BMP1: variants seen among roughly 807,000 people sequenced by gnomAD.
BMP1 encodes the protein bone morphogenetic protein 1.
A neutral mutation model predicts 116.8 loss-of-function variants in BMP1; 63 were observed. The ratio of observed to expected loss-of-function variants is 0.54; its 90% CI spans 0.44 to 0.67. The LOEUF is 0.67. Among genes scored for constraint, BMP1 ranks in the 30% least tolerant of loss-of-function variants. The pLI is 0.00. For missense variants in BMP1, 1,183 were observed against 1,358.9 expected (o/e 0.87, Z 2.04); for synonymous variants, 536 against 533.4 (o/e 1.00, Z -0.07).
At position 22,165,472 on chromosome 8, in the gene BMP1, C is replaced by T; in HGVS notation, c.67C>T (p.Leu23=). Residue 23 remains leucine, a synonymous_variant, in exon 1 of 20, where the codon CTG becomes TTG. Coordinates refer to ENST00000306385, the MANE Select transcript of BMP1 (RefSeq NM_006129.5). ...GCTGCTCCCGCGTCCCGGCCGGCCG[C>T]TGGACTTGGCCGACTACACCTATGA... ...LLLLPRPGRP[L]DLADYTYDLA... is the part of the protein sequence containing the mutation. The T allele has an allele frequency of 6.3e-7, 1 of 1,583,946 alleles. No homozygotes were observed. Among genetic ancestry groups the T allele is most frequent in the Non-Finnish European group, 8.6e-7 (1 of 1,168,574 alleles).
intron 15 of BMP1, 93 bp from the exon 16 acceptor site, chr8:22,201,710 G>T: frequency 6.4e-7 from 1 of 1,564,594 alleles, no homozygotes. Context: ...TGTCCCGGTG[G>T]GAGAAAGTCC....
At chr8:22,185,432 G>C (rs2131863875) in intron 8 of BMP1, among the ~76,000 whole-genome samples, 1 of 150,986 alleles carries the variant, frequency 6.6e-6, no homozygotes, top group Non-Finnish European at 1.5e-5. Context: ...TTCCAGCCTG[G>C]GCAACAGAGT....
At chr8:22,166,846 G>A (rs1356257223) in intron 1 of BMP1, among the ~76,000 whole-genome samples, 2 of 152,180 alleles carry the variant, frequency 1.3e-5, no homozygotes. Flanking sequence ...CTCGCTGGGG[G>A]CTGGGAGTGG....
At chr8:22,178,751 C>A (rs76204050) in intron 6 of BMP1, among the ~76,000 whole-genome samples, 1 of 152,110 alleles carries the variant, frequency 6.6e-6, no homozygotes, top group South Asian at 2.1e-4. Flanking sequence ...CTCCCCTCCC[C>A]CAAGATTCTC....
intron 8 of BMP1, among the ~76,000 whole-genome samples, chr8:22,183,417 AAAC>A (rs1353053332): frequency 2.6e-5 from 4 of 152,330 alleles, no homozygotes; most frequent in African/African-American, 4.8e-5. Context: ...TCTTGTCTCA[AAAC>A]AACAACAAAA....
At chr8:22,190,377 A>T (rs1473467374) in intron 8 of BMP1, among the ~76,000 whole-genome samples, 2 of 152,246 alleles carry the variant, frequency 1.3e-5, no homozygotes, top group African/African-American at 4.8e-5. Context: ...TAAGCTGGGT[A>T]AGGAGAGAGA....
chr8:22,210,215 G>A (rs1000333750), intron 19 of BMP1, among the ~76,000 whole-genome samples: 1 of 152,222 alleles, frequency 6.6e-6, no homozygotes, highest in African/African-American at 2.4e-5. Context: ...CTGTCCCAGT[G>A]GCCCCTGGGC....
intron 8 of BMP1, among the ~76,000 whole-genome samples, chr8:22,187,649 C>G (rs963190437): frequency 4.0e-5 from 6 of 151,558 alleles, no homozygotes; most frequent in Admixed American, 1.3e-4. Flanking sequence ...GTGCCCGGCC[C>G]CCAGCCCCTA....
intron 8 of BMP1, among the ~76,000 whole-genome samples, chr8:22,183,709 CT>C (rs1219859413): frequency 2.0e-5 from 3 of 151,984 alleles, no homozygotes; most frequent in Non-Finnish European, 4.4e-5. Flanking sequence ...TCCTGAGTAG[CT>C]GGGATTACAG....
rs1829269286 is a variant in BMP1 at position 22,201,807 on chromosome 8, G to A, written c.2112G>A (p.Lys704=). ...KGFKAHFFSD[K]DECSKDNGGC... ...CCCTTATTTGCTCCCCTGCAGACAA[G>A]GACGAGTGCTCCAAGGATAACGGCG... Residue 704 remains lysine, a synonymous_variant, in exon 16 of 20, where the codon AAG becomes AAA. Coordinates refer to ENST00000306385, the MANE Select transcript of BMP1 (RefSeq NM_006129.5). 6.2e-7 allele frequency: 1 copy of A among 1,613,630 alleles called. No individual in the cohort carries two copies. The highest frequency in any genetic ancestry group is 8.5e-7 in the Non-Finnish European group (1 of 1,180,000).
intron 8 of BMP1, among the ~76,000 whole-genome samples, chr8:22,183,793 C>G (rs577922737): frequency 1.4e-3 from 206 of 152,148 alleles, no homozygotes; most frequent in African/African-American, 4.7e-3. Flanking sequence ...TCAGGCTGGT[C>G]TCGAACTCCC....
At chr8:22,190,901 C>G (rs1268369075) in intron 8 of BMP1, among the ~76,000 whole-genome samples, 1 of 152,202 alleles carries the variant, frequency 6.6e-6, no homozygotes, top group East Asian at 1.9e-4. Flanking sequence ...GTCCGCTGCA[C>G]TGGCCTCGCA....
chr8:22,211,884 G>A lies in BMP1; in HGVS notation c.*156G>A. On this transcript the variant is annotated 3_prime_UTR_variant, in exon 20 of 20. Transcript: ENST00000306385. ...GGTGAGACTGTCCATAGGAGGTGGG[G>A]GAACTGGACTCCGGCATAAGCCACT... is the stretch of plus-strand genomic sequence containing the variant. 1.8e-6 allele frequency: 2 copies of A among 1,138,098 alleles called. No homozygotes were observed. The highest frequency in any genetic ancestry group is 2.5e-6 in the Non-Finnish European group (2 of 814,252). 70.5% of individuals were successfully genotyped at this position (1,138,098 alleles called of 1,614,324 possible).
At chr8:22,182,493 T>C (rs1828650430) in intron 8 of BMP1, among the ~76,000 whole-genome samples, 1 of 152,218 alleles carries the variant, frequency 6.6e-6, no homozygotes, top group Admixed American at 6.5e-5. Flanking sequence ...AGACCATACC[T>C]TGGTCATCTT....
chr8:22,209,260 G>A (rs992202462), intron 18 of BMP1, among the ~76,000 whole-genome samples, 185 bp from the exon 19 acceptor site: 1 of 152,228 alleles, frequency 6.6e-6, no homozygotes, highest in Non-Finnish European at 1.5e-5. Flanking sequence ...TAGGGCCAAG[G>A]TCCCTCTATT....
At chr8:22,186,459 C>G (rs1454169753) in intron 8 of BMP1, among the ~76,000 whole-genome samples, 1 of 151,964 alleles carries the variant, frequency 6.6e-6, no homozygotes, top group African/African-American at 2.4e-5. Flanking sequence ...CCTTTGTTTC[C>G]CCGTCTATCT....
intron 5 of BMP1, chr8:22,177,633 C>A: frequency 1.3e-6 from 1 of 760,986 alleles, no homozygotes; most frequent in Non-Finnish European, 2.4e-6. Context: ...TTCCCATGTT[C>A]CCTTGAGTCC....
chr8:22,202,240 C>T (rs1431098326), intron 16 of BMP1, among the ~76,000 whole-genome samples: 1 of 152,212 alleles, frequency 6.6e-6, no homozygotes, highest in African/African-American at 2.4e-5. Flanking sequence ...GGCACAGAGG[C>T]GAGAAAGGAT....
At chr8:22,197,727 G>A (rs973513535) in intron 15 of BMP1, among the ~76,000 whole-genome samples, 13 of 152,234 alleles carry the variant, frequency 8.5e-5, no homozygotes, top group Admixed American at 8.5e-4. Context: ...TGCAAGCCAA[G>A]GCCTGGGAGA....
Sources: allele counts gnomAD v4.1 joint callset (sites outside exome capture counted in the v4.1 genomes callset), GRCh38; gene constraint gnomAD v4.1.1; transcripts MANE v1.5; gene names NCBI Gene and HGNC (gene_info 2026-07-23, HGNC 2026-07-21).